SLC24A2: variants seen among roughly 807,000 people sequenced by gnomAD.
The protein encoded by SLC24A2 is solute carrier family 24 member 2.
A neutral mutation model predicts 62.0 loss-of-function variants in SLC24A2; 36 were observed. That is an observed-to-expected ratio of 0.58 (90% CI 0.44 to 0.77). The LOEUF (loss-of-function observed/expected upper bound fraction) is 0.77. Among genes scored for constraint, SLC24A2 ranks in the 30% least tolerant of loss-of-function variants. SLC24A2 has a pLI of 0.00. For synonymous variants in SLC24A2, 358 were observed against 294.0 expected (o/e 1.22, Z -2.23); for missense variants, 846 against 817.9 (o/e 1.03, Z -0.42).
the SLC24A2 span, among the ~76,000 whole-genome samples, chr9:20,279,455 C>T: frequency 8.5e-5 from 13 of 152,332 alleles, no homozygotes; most frequent in African/African-American, 3.1e-4. Flanking sequence ...CACTTCAGCC[C>T]AGGAGGCGGA....
At chr9:19,848,517 T>A in the SLC24A2 span, among the ~76,000 whole-genome samples, 1 of 152,196 alleles carries the variant, frequency 6.6e-6, no homozygotes, top group East Asian at 1.9e-4. Context: ...ATGTATAGTA[T>A]ATGTAAAGTA....
chr9:20,227,273 T>C, the SLC24A2 span, among the ~76,000 whole-genome samples: 1 of 152,154 alleles, frequency 6.6e-6, no homozygotes, highest in African/African-American at 2.4e-5. Context: ...AATGAAAATC[T>C]TTGATTTGTT....
chr9:20,123,944 T>C, the SLC24A2 span, among the ~76,000 whole-genome samples: 1 of 152,198 alleles, frequency 6.6e-6, no homozygotes, highest in East Asian at 1.9e-4. Flanking sequence ...GAAAATACTA[T>C]ACCTAACTGT....
At chr9:20,112,626 C>T in the SLC24A2 span, among the ~76,000 whole-genome samples, 2 of 152,182 alleles carry the variant, frequency 1.3e-5, no homozygotes, top group African/African-American at 4.8e-5. Context: ...GCAATAATAA[C>T]CCCAGGGTGT....
chr9:20,138,877 G>A, the SLC24A2 span, among the ~76,000 whole-genome samples: 3 of 152,174 alleles, frequency 2.0e-5, no homozygotes, highest in East Asian at 1.9e-4. Flanking sequence ...GCTCCCAGGC[G>A]AAGGCCTCAT....
the SLC24A2 span, among the ~76,000 whole-genome samples, chr9:20,214,670 A>G: frequency 6.6e-6 from 1 of 152,156 alleles, no homozygotes; most frequent in Non-Finnish European, 1.5e-5. Context: ...CATGTTAAGT[A>G]TTCTTATCAC....
At chr9:20,220,788 T>C in the SLC24A2 span, among the ~76,000 whole-genome samples, 1 of 152,160 alleles carries the variant, frequency 6.6e-6, no homozygotes, top group African/African-American at 2.4e-5. Flanking sequence ...TCTACAGTTC[T>C]TCTTTGAGAT....
intron 2 of SLC24A2, among the ~76,000 whole-genome samples, chr9:19,645,461 A>T (rs1402958309): frequency 6.6e-6 from 1 of 152,198 alleles, no homozygotes; most frequent in Admixed American, 6.5e-5. Context: ...GACATATTTC[A>T]TATGTTGTAG....
chr9:19,956,531 T>A, the SLC24A2 span, among the ~76,000 whole-genome samples: 1 of 152,114 alleles, frequency 6.6e-6, no homozygotes, highest in African/African-American at 2.4e-5. Context: ...GGACTTACAG[T>A]TCCACGTGGC....
the SLC24A2 span, among the ~76,000 whole-genome samples, chr9:19,940,862 GA>G: frequency 6.6e-6 from 1 of 152,172 alleles, no homozygotes; most frequent in Admixed American, 6.5e-5. Flanking sequence ...AAACGCCACT[GA>G]CAACAAAATG....
At chr9:19,901,510 A>G in the SLC24A2 span, among the ~76,000 whole-genome samples, 3 of 152,152 alleles carry the variant, frequency 2.0e-5, no homozygotes, top group East Asian at 1.9e-4. Flanking sequence ...TTGGGGCAGG[A>G]GCTTTATGAT....
At chr9:19,720,169 G>A (rs1820980964) in intron 2 of SLC24A2, among the ~76,000 whole-genome samples, 1 of 152,060 alleles carries the variant, frequency 6.6e-6, no homozygotes, top group Non-Finnish European at 1.5e-5. Context: ...AGAAATGTAG[G>A]TAACCCTTTC....
the SLC24A2 span, among the ~76,000 whole-genome samples, chr9:20,290,279 G>C: frequency 6.6e-6 from 1 of 152,234 alleles, no homozygotes; most frequent in African/African-American, 2.4e-5. Flanking sequence ...TCTCTGACAG[G>C]CGTGTTAAAT....
chr9:19,764,131 T>G (rs905529743), intron 2 of SLC24A2, among the ~76,000 whole-genome samples: 1 of 152,226 alleles, frequency 6.6e-6, no homozygotes, highest in Non-Finnish European at 1.5e-5. Context: ...GGATGGTAGT[T>G]TGTATTTCTG....
At chr9:19,715,116 C>T (rs1357554636) in intron 2 of SLC24A2, among the ~76,000 whole-genome samples, 1 of 152,128 alleles carries the variant, frequency 6.6e-6, no homozygotes, top group Admixed American at 6.5e-5. Context: ...CACTTCTAAA[C>T]ACCTGATGCC....
the SLC24A2 span, among the ~76,000 whole-genome samples, chr9:20,027,311 A>G: frequency 6.6e-6 from 1 of 152,212 alleles, no homozygotes; most frequent in African/African-American, 2.4e-5. Context: ...ATACATTTAA[A>G]GGAAATGCAA....
the SLC24A2 span, among the ~76,000 whole-genome samples, chr9:20,113,070 T>G: frequency 6.7e-6 from 1 of 149,898 alleles, no homozygotes; most frequent in Non-Finnish European, 1.5e-5. Flanking sequence ...ATGAGCTCCA[T>G]CCTCAGAGTT....
At chr9:19,640,369 T>TA (rs1308585550) in intron 2 of SLC24A2, among the ~76,000 whole-genome samples, 6 of 152,228 alleles carry the variant, frequency 3.9e-5, no homozygotes, top group Admixed American at 3.9e-4. Flanking sequence ...TGTACTGCTA[T>TA]AAAAAACACC....
the SLC24A2 span, among the ~76,000 whole-genome samples, chr9:20,219,738 G>T: frequency 6.6e-6 from 1 of 152,152 alleles, no homozygotes; most frequent in Non-Finnish European, 1.5e-5. Flanking sequence ...GGCATATGAA[G>T]AAATATTGAG....
Sources: allele counts gnomAD v4.1 joint callset (sites outside exome capture counted in the v4.1 genomes callset), GRCh38; gene constraint gnomAD v4.1.1; transcripts MANE v1.5; gene names NCBI Gene and HGNC (gene_info 2026-07-23, HGNC 2026-07-21).